NT5DC1: variants seen among roughly 807,000 people sequenced by gnomAD.
NT5DC1 encodes the protein 5'-nucleotidase domain-containing protein 1.
In NT5DC1, 42 loss-of-function variants were observed where a neutral mutation model predicts 59.4. The observed-to-expected ratio is 0.71, with a 90% CI of 0.55 to 0.92. NT5DC1 has a LOEUF of 0.92. Among genes scored for constraint, NT5DC1 ranks in the 40% least tolerant of loss-of-function variants. The pLI is 0.00. For missense variants in NT5DC1, 501 were observed against 537.1 expected (o/e 0.93, Z 0.66); for synonymous variants, 172 against 188.1 (o/e 0.91, Z 0.70).
chr6:116,184,441 T>C (rs940296382), intron 6 of NT5DC1, among the ~76,000 whole-genome samples: 23 of 151,938 alleles, frequency 1.5e-4, no homozygotes, highest in African/African-American at 4.8e-4. Flanking sequence ...ATTCCATCTT[T>C]TGAAATAGTG....
chr6:116,241,159 A>G (rs1017572693), intron 11 of NT5DC1, among the ~76,000 whole-genome samples: 1 of 151,468 alleles, frequency 6.6e-6, no homozygotes, highest in Non-Finnish European at 1.5e-5. Flanking sequence ...AAAAAAAAAA[A>G]GTAAAATATT....
At chr6:116,207,598 T>G (rs1032585972) in intron 6 of NT5DC1, among the ~76,000 whole-genome samples, 6 of 151,866 alleles carry the variant, frequency 4.0e-5, no homozygotes, top group African/African-American at 1.4e-4. Context: ...ATACCCAAAA[T>G]ATATAAACTT....
chr6:116,109,763 T>C (rs963494891), intron 3 of NT5DC1, among the ~76,000 whole-genome samples: 20 of 152,224 alleles, frequency 1.3e-4, no homozygotes, highest in African/African-American at 4.8e-4. Flanking sequence ...CCCATTTGCT[T>C]TTCTTATTTT....
At chr6:116,183,160 C>A in intron 6 of NT5DC1, among the ~76,000 whole-genome samples, 1 of 151,916 alleles carries the variant, frequency 6.6e-6, no homozygotes, top group East Asian at 1.9e-4. Context: ...TTTTTGTTTG[C>A]TTTGTCGAAG....
At chr6:116,148,168 C>T (rs968992793) in intron 6 of NT5DC1, among the ~76,000 whole-genome samples, 1 of 151,974 alleles carries the variant, frequency 6.6e-6, no homozygotes, top group Admixed American at 6.6e-5. Context: ...TAAGGATAGA[C>T]AAACTAGTAA....
At chr6:116,163,702 T>A (rs1780399113) in intron 6 of NT5DC1, among the ~76,000 whole-genome samples, 1 of 152,174 alleles carries the variant, frequency 6.6e-6, no homozygotes, top group Non-Finnish European at 1.5e-5. Flanking sequence ...GTTAGGTACA[T>A]CATTTGGTTG....
At chr6:116,169,107 G>C (rs1780547110) in intron 6 of NT5DC1, among the ~76,000 whole-genome samples, 1 of 152,126 alleles carries the variant, frequency 6.6e-6, no homozygotes, top group Non-Finnish European at 1.5e-5. Flanking sequence ...TACTTTTCTT[G>C]AAGTTGGTGT....
At chr6:116,155,062 CTT>C (rs1780151467) in intron 6 of NT5DC1, among the ~76,000 whole-genome samples, 1 of 152,160 alleles carries the variant, frequency 6.6e-6, no homozygotes, top group Admixed American at 6.6e-5. Flanking sequence ...AGTATACAGA[CTT>C]TAATATTAGG....
intron 6 of NT5DC1, among the ~76,000 whole-genome samples, chr6:116,151,139 C>T (rs1476335025): frequency 6.6e-6 from 1 of 152,110 alleles, no homozygotes; most frequent in Non-Finnish European, 1.5e-5. Flanking sequence ...ATCTGCTCAG[C>T]CTTCTTTTTG....
chr6:116,185,867 A>G (rs753275165), intron 6 of NT5DC1, among the ~76,000 whole-genome samples: 32 of 152,022 alleles, frequency 2.1e-4, no homozygotes, highest in Admixed American at 6.6e-5. Context: ...TTTACATTCA[A>G]CGTTAGTATT....
chr6:116,172,158 A>G (rs1401481496), intron 6 of NT5DC1, among the ~76,000 whole-genome samples: 2 of 152,132 alleles, frequency 1.3e-5, no homozygotes, highest in Non-Finnish European at 2.9e-5. Context: ...CCCTTTCCTA[A>G]GTGATACAAT....
Position 116,178,860 on chromosome 6 carries a change from T to TA in NT5DC1, c.530-42189dup, listed in dbSNP as rs547988825. Among the ~76,000 whole-genome samples the TA allele has an allele frequency of 1.9e-3, 290 of 152,348 alleles. 4 individuals carry two copies. Among genetic ancestry groups the TA allele is most frequent in the African/African-American group, 6.4e-3 (265 of 41,584 alleles). On this transcript the variant is annotated intron_variant, in intron 6 of 11. Transcript: ENST00000319550. ...ATTTGCAATTTCAGTGTTTGCCTTATAAAAATCTTCTTGCTTTAAGCAAAA... is the reference window on the plus strand; with the variant it reads ...ATTTGCAATTTCAGTGTTTGCCTTATAAAAAATCTTCTTGCTTTAAGCAAAA...
At position 116,121,434 on chromosome 6, in the gene NT5DC1, G is replaced by A. The variant is rs749457223; in HGVS notation, c.529+3489G>A. ...TCACCTTTGATGCCTGGCTGTCCTGGAACCCCATTTTCACCTCTTTTTCCC... is the reference window on the plus strand; with the variant it reads ...TCACCTTTGATGCCTGGCTGTCCTGAAACCCCATTTTCACCTCTTTTTCCC... On this transcript the variant is annotated intron_variant, in intron 6 of 11. Coordinates refer to ENST00000319550, the MANE Select transcript of NT5DC1 (RefSeq NM_152729.3). 17 of 1,613,970 alleles carry A rather than the reference G, an allele frequency of 1.1e-5. No individual in the cohort carries two copies. In the Admixed American group the frequency reaches 2.8e-4, roughly 27 times the overall value.
intron 6 of NT5DC1, among the ~76,000 whole-genome samples, chr6:116,180,145 A>G (rs934556423): frequency 1.3e-5 from 2 of 152,210 alleles, no homozygotes; most frequent in African/African-American, 4.8e-5. Context: ...TATTAAGGGC[A>G]TATATTATTT....
intron 6 of NT5DC1, among the ~76,000 whole-genome samples, chr6:116,199,779 T>C (rs1048564015): frequency 3.9e-5 from 6 of 152,014 alleles, no homozygotes; most frequent in African/African-American, 1.4e-4. Context: ...TAAAGTAGTA[T>C]GGAATTATAA....
At chr6:116,151,540 G>A (rs1471380794) in intron 6 of NT5DC1, among the ~76,000 whole-genome samples, 1 of 152,090 alleles carries the variant, frequency 6.6e-6, no homozygotes, top group Non-Finnish European at 1.5e-5. Context: ...GTTAATATAA[G>A]ACTATTAAGT....
chr6:116,241,728 C>T (rs1205488597), intron 11 of NT5DC1, among the ~76,000 whole-genome samples: 2 of 151,702 alleles, frequency 1.3e-5, no homozygotes, highest in African/African-American at 4.8e-5. Context: ...TCAAGACCAT[C>T]CTGGCTAACA....
intron 6 of NT5DC1, among the ~76,000 whole-genome samples, chr6:116,193,773 A>G (rs992854841): frequency 1.3e-5 from 2 of 151,872 alleles, no homozygotes; most frequent in Non-Finnish European, 2.9e-5. Context: ...TGTTAAAAAT[A>G]AAAAAAGAGG....
At chr6:116,217,649 A>C (rs1019811614) in intron 6 of NT5DC1, among the ~76,000 whole-genome samples, 1 of 152,118 alleles carries the variant, frequency 6.6e-6, no homozygotes, top group African/African-American at 2.4e-5. Context: ...CAGTTTGGCT[A>C]TATGGTACTA....
Sources: allele counts gnomAD v4.1 joint callset (sites outside exome capture counted in the v4.1 genomes callset), GRCh38; gene constraint gnomAD v4.1.1; transcripts MANE v1.5; gene names NCBI Gene and HGNC (gene_info 2026-07-23, HGNC 2026-07-21).